The following MYBPC1 variants were observed in gnomAD, a reference collection of about 807,000 sequenced individuals.
MYBPC1 encodes myosin-binding protein C, slow-type.
A neutral mutation model predicts 147.1 loss-of-function variants in MYBPC1; 52 were observed. The observed-to-expected ratio is 0.35, with a 90% CI of 0.28 to 0.45. MYBPC1 has a LOEUF of 0.45. MYBPC1 is among the 20% of genes least tolerant of loss of function. The pLI is 1.00. For synonymous variants in MYBPC1, 477 were observed against 475.9 expected (o/e 1.00, Z -0.03); for missense variants, 1,228 against 1,440.3 (o/e 0.85, Z 2.39).
In MYBPC1 at chr12:101,633,254, G is replaced by A. The variant is rs570958829; in HGVS notation, c.556+1116G>A. 2.0e-5 allele frequency among the ~76,000 whole-genome samples: 3 copies of A among 152,308 alleles called. No homozygotes were observed. The South Asian group carries it at 6.2e-4, about 32-fold the overall frequency. The stretch of plus-strand genomic sequence containing the variant: ...CAGCTTGAGTGTGTGGGTGAAGGAA[G>A]TCAGGCATACATGGCTTGTTGCAAA... On this transcript the variant is annotated intron_variant, in intron 8 of 31. Coordinates refer to ENST00000361466, the MANE Select transcript of MYBPC1 (RefSeq NM_002465.4).
intron 1 of MYBPC1, among the ~76,000 whole-genome samples, chr12:101,596,045 C>T (rs1257256223): frequency 6.6e-6 from 1 of 151,582 alleles, no homozygotes; most frequent in Non-Finnish European, 1.5e-5. Context: ...TTCCCTTCTG[C>T]AAATAAAAGA....
intron 1 of MYBPC1, among the ~76,000 whole-genome samples, chr12:101,598,572 T>C (rs1156579622): frequency 6.6e-6 from 1 of 152,172 alleles, no homozygotes; most frequent in Non-Finnish European, 1.5e-5. Flanking sequence ...TTTAATTTTT[T>C]ATTTATTTTT....
chr12:101,651,395 T>G lies in MYBPC1; in HGVS notation c.1526+2T>G, dbSNP rs113536041. The G allele has an allele frequency of 6.2e-7, 1 of 1,613,998 alleles. No individual in the cohort carries two copies. ...TCTAAAGGTGGTTCACAAGGGAAGG[T>G]AAGCGAGCCAGGTGACCCGCAAGTG... On this transcript the variant is annotated splice_donor_variant, in intron 16 of 31. Coordinates refer to ENST00000361466, the MANE Select transcript of MYBPC1 (RefSeq NM_002465.4). LOFTEE classifies it high-confidence loss of function.
chr12:101,651,486 G>T (rs1467285217), intron 16 of MYBPC1, 93 bp downstream of exon 16: 90 of 1,509,904 alleles, frequency 6.0e-5, no homozygotes, highest in African/African-American at 4.1e-5. Flanking sequence ...TATTTGAAGG[G>T]TAGCCATAGG....
intron 1 of MYBPC1, among the ~76,000 whole-genome samples, chr12:101,599,064 A>G (rs12317537): frequency 0.11 from 16,074 of 152,252 alleles, 2,566 homozygotes; most frequent in African/African-American, 0.35. Flanking sequence ...AAAAATCTCA[A>G]GAGAGTCACT....
At chr12:101,692,683 A>G in the MYBPC1 span, among the ~76,000 whole-genome samples, 1 of 152,098 alleles carries the variant, frequency 6.6e-6, no homozygotes, top group African/African-American at 2.4e-5. Flanking sequence ...TAAGGGGGAA[A>G]CATTGTATAT....
intron 2 of MYBPC1, among the ~76,000 whole-genome samples, chr12:101,616,812 C>A (rs1886204759): frequency 6.6e-6 from 1 of 152,190 alleles, no homozygotes; most frequent in Non-Finnish European, 1.5e-5. Context: ...GGAATCATTA[C>A]ATGGGGCAAA....
intron 4 of MYBPC1, 95 bp from the exon 5 acceptor site, chr12:101,627,674 C>A: frequency 7.2e-7 from 1 of 1,385,840 alleles, no homozygotes; most frequent in Non-Finnish European, 1.0e-6. Context: ...CCAGAGGAGA[C>A]AGGGTTTAGG....
intron 19 of MYBPC1, among the ~76,000 whole-genome samples, 164 bp from the exon 20 acceptor site, chr12:101,660,994 G>A (rs981823837): frequency 2.6e-5 from 4 of 152,172 alleles, no homozygotes. Flanking sequence ...GATTTGGATG[G>A]GGACACAGCC....
intron 3 of MYBPC1, among the ~76,000 whole-genome samples, chr12:101,625,199 T>G (rs35747657): frequency 1.6e-5 from 2 of 125,548 alleles, no homozygotes. Flanking sequence ...AAAAAATAAA[T>G]AAATAAACCT....
At chr12:101,688,889 A>C, downstream of MYBPC1, among the ~76,000 whole-genome samples, 1 of 149,828 alleles carries the variant, frequency 6.7e-6, no homozygotes. Flanking sequence ...GGAGGTGGAG[A>C]TTGCAATGAG....
At chr12:101,658,130 CAAA>C (rs34952207) in intron 18 of MYBPC1, among the ~76,000 whole-genome samples, 4 of 90,414 alleles carry the variant, frequency 4.4e-5, no homozygotes, top group Admixed American at 1.1e-4. Context: ...GACTCCGTCT[CAAA>C]AAAAAAAAAA....
Position 101,662,317 on chromosome 12 carries a change from G to C in MYBPC1, c.2033-41G>C, listed in dbSNP as rs548274183. 68 of 1,602,746 alleles carry C rather than the reference G, an allele frequency of 4.2e-5. No individual in the cohort carries two copies. The South Asian group carries it at 7.3e-4, about 17-fold the overall frequency. On this transcript the variant is annotated intron_variant, in intron 20 of 31. Coordinates refer to ENST00000361466, the MANE Select transcript of MYBPC1 (RefSeq NM_002465.4). Reference sequence around the variant, plus strand: ...TTATCTGACAATGTTTAATTTCAGAGACCAAGGAAAAACCTTAGTTTTCAT... The same window carrying C: ...TTATCTGACAATGTTTAATTTCAGACACCAAGGAAAAACCTTAGTTTTCAT...
In MYBPC1 at chr12:101,626,339, T is replaced by C. The variant is rs1005138930; in HGVS notation, c.104-533T>C. ...AGCATTTTCCAACACCAATATAATG[T>C]TGGAAAAAATGCTTATAAAGTTTAT... On this transcript the variant is annotated intron_variant, in intron 3 of 31. Transcript: ENST00000361466. 2.6e-5 allele frequency among the ~76,000 whole-genome samples: 4 copies of C among 152,312 alleles called. No individual in the cohort carries two copies. The East Asian group carries it at 7.7e-4, about 29-fold the overall frequency.
intron 6 of MYBPC1, among the ~76,000 whole-genome samples, chr12:101,630,966 A>C (rs754773350): frequency 2.0e-5 from 3 of 152,200 alleles, no homozygotes; most frequent in Non-Finnish European, 4.4e-5. Context: ...ATGTGAACAG[A>C]AATGTTGGTT....
intron 3 of MYBPC1, among the ~76,000 whole-genome samples, chr12:101,619,028 T>C (rs1240653618): frequency 1.3e-5 from 2 of 152,088 alleles, no homozygotes; most frequent in Non-Finnish European, 2.9e-5. Context: ...AAGTTTATAA[T>C]AAATATACAG....
intron 22 of MYBPC1, 36 bp from the exon 23 acceptor site, chr12:101,667,696 T>C (rs1897744906): frequency 6.2e-7 from 1 of 1,612,754 alleles, no homozygotes; most frequent in East Asian, 2.2e-5. Context: ...CTAAACAGCA[T>C]TCCTCCTTCT....
At chr12:101,616,056 C>T (rs1262761402) in intron 2 of MYBPC1, among the ~76,000 whole-genome samples, 1 of 152,092 alleles carries the variant, frequency 6.6e-6, no homozygotes, top group East Asian at 1.9e-4. Flanking sequence ...TCACAAGAGG[C>T]CCTTTGTCCA....
the MYBPC1 span, among the ~76,000 whole-genome samples, chr12:101,691,952 G>C: frequency 6.6e-6 from 1 of 152,194 alleles, no homozygotes; most frequent in Non-Finnish European, 1.5e-5. Flanking sequence ...TTGTGTGGGA[G>C]TAAGAGGGAT....
Sources: allele counts gnomAD v4.1 joint callset (sites outside exome capture counted in the v4.1 genomes callset), GRCh38; gene constraint gnomAD v4.1.1; transcripts MANE v1.5; gene names NCBI Gene and HGNC (gene_info 2026-07-23, HGNC 2026-07-21).